SGCZ: variants seen among roughly 807,000 people sequenced by gnomAD.
SGCZ encodes the protein zeta-sarcoglycan.
Under a neutral mutation model 41.3 loss-of-function variants are expected in SGCZ, and 40 were observed. That is an observed-to-expected ratio of 0.97 (90% CI 0.75 to 1.26). The LOEUF is 1.26. Among genes scored for constraint, SGCZ ranks in the 50% most tolerant of loss-of-function variants. The pLI, the probability that SGCZ is intolerant of heterozygous loss-of-function variation, is 0.00. For missense variants in SGCZ, 552 were observed against 369.8 expected, an observed-to-expected ratio of 1.49 and a Z score of -4.04; for synonymous variants, 206 against 137.5, an observed-to-expected ratio of 1.50 and a Z score of -3.49.
chr8:14,601,425 A>C (rs1465017536), intron 1 of SGCZ, among the ~76,000 whole-genome samples: 1 of 152,052 alleles, frequency 6.6e-6, no homozygotes, highest in African/African-American at 2.4e-5. Context: ...AAATGGAAGA[A>C]TACAGTTAGT....
rs1262705778 is a variant in SGCZ, at chr8:14,847,180, GAAGAA to G, written c.40-292259_40-292255del. 1.3e-3 allele frequency among the ~76,000 whole-genome samples: 188 copies of G among 144,754 alleles called. 1 individual carries two copies. Among genetic ancestry groups the G allele is most frequent in the African/African-American group, 5.0e-3 (185 of 37,268 alleles). 95.0% of individuals were successfully genotyped at this position (144,754 alleles called of 152,430 possible). On this transcript the variant is annotated intron_variant, in intron 1 of 7. Transcript: ENST00000382080. ...AGAAGAAGAAGAAGAAGAAGAAGAA[GAAGAA>G]GAGAAAAATACCAATTCTACAAAAA...
chr8:14,224,994 G>A (rs1206574080), intron 4 of SGCZ, among the ~76,000 whole-genome samples: 1 of 152,096 alleles, frequency 6.6e-6, no homozygotes, highest in Non-Finnish European at 1.5e-5. Flanking sequence ...GTGAACTTCT[G>A]TTTGACACTA....
intron 2 of SGCZ, among the ~76,000 whole-genome samples, chr8:14,527,160 A>T (rs1010230397): frequency 2.6e-5 from 4 of 152,170 alleles, no homozygotes; most frequent in Non-Finnish European, 5.9e-5. Flanking sequence ...CTTTTCACAC[A>T]CTATGCAAAT....
chr8:14,453,146 A>AC (rs1451204719), intron 2 of SGCZ, among the ~76,000 whole-genome samples: 2 of 152,162 alleles, frequency 1.3e-5, no homozygotes, highest in African/African-American at 4.8e-5. Context: ...TAAATATGTT[A>AC]TATACATTAT....
At chr8:14,231,584 A>G (rs1031479527) in intron 4 of SGCZ, among the ~76,000 whole-genome samples, 15 of 152,028 alleles carry the variant, frequency 9.9e-5, no homozygotes, top group African/African-American at 3.6e-4. Flanking sequence ...GAGTTGGACC[A>G]ATAAACATGC....
At chr8:14,999,780 C>A (rs544032779) in intron 1 of SGCZ, among the ~76,000 whole-genome samples, 1 of 152,180 alleles carries the variant, frequency 6.6e-6, no homozygotes, top group African/African-American at 2.4e-5. Context: ...AACTCCCATG[C>A]ACCATGCAAA....
At chr8:15,225,056 A>G (rs1381100941) in intron 1 of SGCZ, among the ~76,000 whole-genome samples, 6 of 152,236 alleles carry the variant, frequency 3.9e-5, no homozygotes, top group Non-Finnish European at 7.3e-5. Flanking sequence ...AAGATTATGA[A>G]CAATTAAAAC....
At chr8:14,917,845 G>A (rs936180379) in intron 1 of SGCZ, among the ~76,000 whole-genome samples, 15 of 151,966 alleles carry the variant, frequency 9.9e-5, no homozygotes, top group Non-Finnish European at 2.2e-4. Context: ...TTAATTAGGA[G>A]GTTAGTATAA....
At chr8:14,750,814 G>A (rs952044992) in intron 1 of SGCZ, among the ~76,000 whole-genome samples, 3 of 152,206 alleles carry the variant, frequency 2.0e-5, no homozygotes, top group East Asian at 1.9e-4. Flanking sequence ...ATAGTTTTGC[G>A]AAATGCATAT....
At chr8:14,484,059 C>T (rs1445152136) in intron 2 of SGCZ, among the ~76,000 whole-genome samples, 1 of 152,096 alleles carries the variant, frequency 6.6e-6, no homozygotes, top group African/African-American at 2.4e-5. Context: ...CTTTATTAGA[C>T]ATCACATGTT....
At chr8:14,750,214 A>G (rs968538379) in intron 1 of SGCZ, among the ~76,000 whole-genome samples, 6 of 151,962 alleles carry the variant, frequency 3.9e-5, no homozygotes, top group South Asian at 2.1e-4. Context: ...AAGATAAGCT[A>G]AAGAGATTAC....
rs192987989 is a variant in SGCZ, at chr8:14,282,072, A to G, written c.336+42031T>C. On this transcript the variant is annotated intron_variant, in intron 3 of 7. Transcript: ENST00000382080. ...TAAAAGAAATAAACTTAGTCTTTCT[A>G]TATTCTTCATACTATCAAAACAAGG... Among the ~76,000 whole-genome samples the G allele has an allele frequency of 3.2e-3, 485 of 152,248 alleles. 2 individuals are homozygous for G. Among genetic ancestry groups the G allele is most frequent in the African/African-American group, 0.011 (465 of 41,564 alleles).
intron 1 of SGCZ, among the ~76,000 whole-genome samples, chr8:14,689,153 T>C (rs184822761): frequency 6.6e-6 from 1 of 152,082 alleles, no homozygotes; most frequent in Non-Finnish European, 1.5e-5. Flanking sequence ...TTCTGAAGAG[T>C]AATTTTGAGA....
chr8:15,063,596 CT>C (rs1328059007), intron 1 of SGCZ, among the ~76,000 whole-genome samples: 1 of 151,966 alleles, frequency 6.6e-6, no homozygotes, highest in East Asian at 1.9e-4. Flanking sequence ...TGCACTTCAA[CT>C]TTTGCCACAG....
At chr8:14,901,428 A>T (rs968629130) in intron 1 of SGCZ, among the ~76,000 whole-genome samples, 2 of 152,222 alleles carry the variant, frequency 1.3e-5, no homozygotes, top group Non-Finnish European at 2.9e-5. Flanking sequence ...GCAATACATT[A>T]AGAGAATAAA....
chr8:14,855,022 T>C (rs1351218985), intron 1 of SGCZ, among the ~76,000 whole-genome samples: 3 of 151,438 alleles, frequency 2.0e-5, no homozygotes, highest in Non-Finnish European at 4.4e-5. Context: ...CTAACTTTGA[T>C]GCAACTTCCT....
At chr8:14,200,324 C>T (rs984549618) in intron 4 of SGCZ, among the ~76,000 whole-genome samples, 3 of 152,186 alleles carry the variant, frequency 2.0e-5, no homozygotes, top group Admixed American at 6.5e-5. Context: ...CAATAAAAAT[C>T]CCAACATAAA....
chr8:15,104,660 G>A (rs946690356), intron 1 of SGCZ, among the ~76,000 whole-genome samples: 2 of 148,304 alleles, frequency 1.3e-5, no homozygotes, highest in African/African-American at 2.5e-5. Flanking sequence ...TACCACAACT[G>A]TGTAACCACG....
intron 2 of SGCZ, among the ~76,000 whole-genome samples, chr8:14,467,540 A>G (rs1026729294): frequency 3.3e-5 from 5 of 152,048 alleles, no homozygotes; most frequent in African/African-American, 1.2e-4. Context: ...GGGCTCTGAG[A>G]TGGGTAGTTG....
Sources: allele counts gnomAD v4.1 joint callset (sites outside exome capture counted in the v4.1 genomes callset), GRCh38; gene constraint gnomAD v4.1.1; transcripts MANE v1.5; gene names NCBI Gene and HGNC (gene_info 2026-07-23, HGNC 2026-07-21).